WDR72: variants seen among roughly 807,000 people sequenced by gnomAD.
WDR72 encodes WD repeat-containing protein 72.
A neutral mutation model predicts 124.2 loss-of-function variants in WDR72; 120 were observed. That is an observed-to-expected ratio of 0.97 (90% CI 0.83 to 1.12). WDR72 has a LOEUF of 1.12. WDR72 is among the 50% of genes most tolerant of loss of function. The pLI is 0.00. For missense variants in WDR72, 1,387 were observed against 1,278.8 expected (o/e 1.08, Z -1.29); for synonymous variants, 452 against 441.7 (o/e 1.02, Z -0.29).
chr15:53,602,118 C>T (rs1467303632), intron 17 of WDR72, among the ~76,000 whole-genome samples: 2 of 152,042 alleles, frequency 1.3e-5, no homozygotes, highest in African/African-American at 4.8e-5. Context: ...TGCAAAATAA[C>T]TGAAATCATA....
At chr15:53,606,719 T>G (rs2013300588) in intron 17 of WDR72, among the ~76,000 whole-genome samples, 2 of 152,116 alleles carry the variant, frequency 1.3e-5, no homozygotes, top group African/African-American at 4.8e-5. Context: ...CCTAAATGAT[T>G]AATGAAGAAA....
chr15:53,753,086 G>A (rs2140898450), intron 1 of WDR72, among the ~76,000 whole-genome samples: 1 of 152,230 alleles, frequency 6.6e-6, no homozygotes, highest in Non-Finnish European at 1.5e-5. Context: ...GCTGTCAACG[G>A]GTCATCCCTT....
At chr15:53,722,992 A>C (rs2017922183) in intron 2 of WDR72, 84 bp from the exon 3 acceptor site, 1 of 1,294,230 alleles carries the variant, frequency 7.7e-7, no homozygotes, top group South Asian at 1.2e-5. Flanking sequence ...CATAACTCTG[A>C]TTAGGAAATT....
At chr15:53,631,571 A>G (rs1451553346) in intron 14 of WDR72, among the ~76,000 whole-genome samples, 1 of 152,234 alleles carries the variant, frequency 6.6e-6, no homozygotes, top group Non-Finnish European at 1.5e-5. Context: ...AGACAGGAAG[A>G]TGAGGGAAAA....
chr15:53,608,449 G>T (rs1046065670), intron 17 of WDR72, among the ~76,000 whole-genome samples: 1 of 148,970 alleles, frequency 6.7e-6, no homozygotes, highest in Non-Finnish European at 1.5e-5. Context: ...TTTCACTTAT[G>T]TGTGGAATCT....
chr15:53,594,111 CAT>C (rs1566974715), intron 18 of WDR72, among the ~76,000 whole-genome samples: 9 of 151,808 alleles, frequency 5.9e-5, no homozygotes, highest in Non-Finnish European at 1.5e-5. Context: ...CTTAGCAAAG[CAT>C]TGGAATATAT....
chr15:53,589,456 T>A (rs908799117), intron 18 of WDR72, among the ~76,000 whole-genome samples: 2 of 151,896 alleles, frequency 1.3e-5, no homozygotes, highest in Non-Finnish European at 2.9e-5. Context: ...CAATAAACAC[T>A]TATTAACAGC....
chr15:53,530,900 G>A (rs900433011), intron 18 of WDR72, among the ~76,000 whole-genome samples: 5 of 152,074 alleles, frequency 3.3e-5, no homozygotes, highest in Admixed American at 3.3e-4. Flanking sequence ...TCCACAGACT[G>A]AAGCTAAGAC....
At chr15:53,621,667 A>G (rs2014000927) in intron 14 of WDR72, among the ~76,000 whole-genome samples, 1 of 152,020 alleles carries the variant, frequency 6.6e-6, no homozygotes, top group African/African-American at 2.4e-5. Context: ...GATGACGAAT[A>G]AAAGACTACA....
chr15:53,714,630 G>T, intron 5 of WDR72, 120 bp from the exon 6 acceptor site: 1 of 753,630 alleles, frequency 1.3e-6, no homozygotes, highest in Non-Finnish European at 2.3e-6. Context: ...TTTCAGCTTT[G>T]GAGTTACTTT....
At chr15:53,561,256 C>T (rs1428827198) in intron 18 of WDR72, among the ~76,000 whole-genome samples, 1 of 151,726 alleles carries the variant, frequency 6.6e-6, no homozygotes, top group African/African-American at 2.4e-5. Flanking sequence ...ATTAGTTCTC[C>T]TCTCTCTCCA....
In WDR72 at chr15:53,712,772, C is replaced by T. The variant is rs767218147; in HGVS notation, c.711G>A (p.Lys237=). The change falls in exon 7 of 20, where the codon AAG becomes AAA. Residue 237 remains lysine, a splice_region_variant and synonymous_variant. Transcript: ENST00000360509. ...TATTTATTATGTTACTTTATAATAC[C>T]TTCCAACATTTAGAAAATACCACCA... is the stretch of plus-strand genomic sequence containing the variant. ...LLLVVFSKCW[K]VYDYCDFSLL... 6.2e-7 allele frequency: 1 copy of T among 1,611,938 alleles called. No homozygotes were observed. Among genetic ancestry groups the T allele is most frequent in the Non-Finnish European group, 8.5e-7 (1 of 1,178,598 alleles).
At chr15:53,590,538 T>C (rs2012443988) in intron 18 of WDR72, among the ~76,000 whole-genome samples, 1 of 152,036 alleles carries the variant, frequency 6.6e-6, no homozygotes, top group Non-Finnish European at 1.5e-5. Context: ...GTAACACATT[T>C]TTCTGTAACT....
chr15:53,720,982 C>T lies in WDR72; in HGVS notation c.260+1820G>A, dbSNP rs148081648. 3.4e-4 allele frequency among the ~76,000 whole-genome samples: 52 copies of T among 152,250 alleles called. 1 individual carries two copies. In the East Asian group the frequency reaches 8.9e-3, roughly 26 times the overall value. ...CTGGGACTTCTCAAATCTAAATATG[C>T]ATTGTTGTTTGGAAAATAATGGGGC... On this transcript the variant is annotated intron_variant, in intron 3 of 19. Coordinates refer to ENST00000360509, the MANE Select transcript of WDR72 (RefSeq NM_182758.4).
At position 53,635,516 on chromosome 15, in the gene WDR72, C is replaced by G. The variant is rs576475472; in HGVS notation, c.1963-19273G>C. ...AATTTATTTTCTTAAAAAATCACTA[C>G]AAGAGTGACTTAGTGGAGTTTCAAA... On this transcript the variant is annotated intron_variant, in intron 14 of 19. Coordinates refer to ENST00000360509, the MANE Select transcript of WDR72 (RefSeq NM_182758.4). Among the ~76,000 whole-genome samples, 68 of 152,306 alleles carry G rather than the reference C, an allele frequency of 4.5e-4. No individual in the cohort carries two copies. The South Asian group carries it at 5.4e-3, about 12-fold the overall frequency.
chr15:53,625,098 A>T (rs1217857971), intron 14 of WDR72, among the ~76,000 whole-genome samples: 1 of 152,262 alleles, frequency 6.6e-6, no homozygotes, highest in Non-Finnish European at 1.5e-5. Flanking sequence ...TAATTTTAGG[A>T]TGATAAAATA....
At chr15:53,675,213 C>A (rs956098888) in intron 13 of WDR72, among the ~76,000 whole-genome samples, 1 of 151,940 alleles carries the variant, frequency 6.6e-6, no homozygotes, top group Non-Finnish European at 1.5e-5. Flanking sequence ...CATGGTGGCA[C>A]ATGCCTGTAG....
At chr15:53,654,920 A>G (rs1171947999) in intron 14 of WDR72, among the ~76,000 whole-genome samples, 1 of 152,150 alleles carries the variant, frequency 6.6e-6, no homozygotes, top group African/African-American at 2.4e-5. Flanking sequence ...TGTTAAAGTC[A>G]TAAAATAAAG....
chr15:53,538,028 A>G (rs908060448), intron 18 of WDR72, among the ~76,000 whole-genome samples: 7 of 152,144 alleles, frequency 4.6e-5, no homozygotes, highest in African/African-American at 1.7e-4. Context: ...AGGAAGTAAA[A>G]GTGACTTCTG....
Sources: allele counts gnomAD v4.1 joint callset (sites outside exome capture counted in the v4.1 genomes callset), GRCh38; gene constraint gnomAD v4.1.1; transcripts MANE v1.5; gene names NCBI Gene and HGNC (gene_info 2026-07-23, HGNC 2026-07-21).